SFMBT1: variants seen among roughly 807,000 people sequenced by gnomAD.
SFMBT1 encodes scm-like with four MBT domains protein 1.
Under a neutral mutation model 108.7 loss-of-function variants are expected in SFMBT1, and 32 were observed. That is an observed-to-expected ratio of 0.29 (90% CI 0.22 to 0.40). The LOEUF is 0.40. SFMBT1 is among the 10% of genes least tolerant of loss of function. The probability of loss-of-function intolerance (pLI) is 1.00; values close to 1 mark genes in which losing one functional copy is unlikely to be tolerated. For synonymous variants in SFMBT1, 348 were observed against 369.5 expected (o/e 0.94, Z 0.67); for missense variants, 816 against 1,059.6 (o/e 0.77, Z 3.19).
intron 14 of SFMBT1, among the ~76,000 whole-genome samples, chr3:52,914,599 C>A (rs1384481258): frequency 6.6e-6 from 1 of 151,998 alleles, no homozygotes; most frequent in Non-Finnish European, 1.5e-5. Context: ...AAAAAATCAG[C>A]CACATGTGGT....
chr3:52,974,833 TAAA>T (rs10646648), intron 1 of SFMBT1, among the ~76,000 whole-genome samples: 2 of 90,674 alleles, frequency 2.2e-5, no homozygotes, highest in Admixed American at 1.2e-4. Context: ...CTATAAAAAG[TAAA>T]AAAAAAAAAA....
chr3:52,984,851 G>A (rs1031294808), intron 1 of SFMBT1, among the ~76,000 whole-genome samples: 2 of 151,062 alleles, frequency 1.3e-5, no homozygotes, highest in Non-Finnish European at 2.9e-5. Flanking sequence ...GTCCACAGTT[G>A]GCTAAGTATG....
At position 52,907,226 on chromosome 3, in the gene SFMBT1, A is replaced by G; in HGVS notation, c.2174T>C (p.Leu725Pro). Residue 725 changes from leucine (L) to proline (P), a missense_variant, in exon 19 of 21, where the codon CTA (leucine) becomes CCA (proline). Coordinates refer to ENST00000394752, the MANE Select transcript of SFMBT1 (RefSeq NM_016329.4). ...EGSTSEQQDE[L>P]QEESEMSEKK... ...TTCTGACATTTCTGATTCTTCCTGT[A>G]GCTCATCCTGCTGCTCGGATGTACT... is the stretch of plus-strand genomic sequence containing the variant. 1 of 1,614,056 alleles carries G rather than the reference A, an allele frequency of 6.2e-7. No individual in the cohort carries two copies. The highest frequency in any genetic ancestry group is 8.5e-7 in the Non-Finnish European group (1 of 1,180,014).
At position 52,932,082 on chromosome 3, in the gene SFMBT1, T is replaced by C. The variant is rs751749764; in HGVS notation, c.680A>G (p.Tyr227Cys). The change falls in exon 6 of 21, where the codon TAT (tyrosine) becomes TGT (cysteine). Residue 227 changes from tyrosine to cysteine, a missense_variant. Physicochemically the swap from Tyr to Cys is radical, Grantham distance 194 (BLOSUM62 -2). This residue lies in a region of SFMBT1 where 495 missense variants were observed against 607.4 expected (regional missense o/e 0.81). Transcript: ENST00000394752. Reference sequence around the variant, plus strand: ...TTCACCTGAAGGGGGCTGAAGCTCATATCCCTGTTGAGCAGCCCAACCAAC... The same window carrying C: ...TTCACCTGAAGGGGGCTGAAGCTCACATCCCTGTTGAGCAGCCCAACCAAC... Reference protein sequence around the residue: ...HHVGWAAQQGYELQPPSAIRH... With the variant: ...HHVGWAAQQGCELQPPSAIRH... 3 of 1,614,056 alleles carry C rather than the reference T, an allele frequency of 1.9e-6. No individual in the cohort carries two copies. Among genetic ancestry groups the C allele is most frequent in the Non-Finnish European group, 2.5e-6 (3 of 1,180,014 alleles).
chr3:52,938,433 A>ATTT (rs1703088826), intron 4 of SFMBT1, among the ~76,000 whole-genome samples: 1 of 151,986 alleles, frequency 6.6e-6, no homozygotes, highest in African/African-American at 2.4e-5. Flanking sequence ...AAAGGTTCTT[A>ATTT]TTTTTGTTCT....
At chr3:52,930,848 G>T (rs539980526) in intron 7 of SFMBT1, 93 bp downstream of exon 7, 5 of 958,768 alleles carry the variant, frequency 5.2e-6, no homozygotes, top group Non-Finnish European at 4.9e-6. Flanking sequence ...CATTCTTACC[G>T]ACTGCAGGGG....
rs1033597336 is a variant in SFMBT1, at chr3:53,020,305, G to A, written c.-131+25511C>T. 5.9e-5 allele frequency among the ~76,000 whole-genome samples: 9 copies of A among 152,090 alleles called. 1 individual carries two copies. In the South Asian group the frequency reaches 1.7e-3, roughly 28 times the overall value. On this transcript the variant is annotated intron_variant, in intron 1 of 20. Coordinates refer to ENST00000394752, the MANE Select transcript of SFMBT1 (RefSeq NM_016329.4). The stretch of plus-strand genomic sequence containing the variant: ...TCAGGAGGCTGAGACAGGGGAAATC[G>A]CTTGAACCTGGGAGGCGGAGGTTGC...
At chr3:52,926,434 T>C (rs1702661325) in intron 9 of SFMBT1, among the ~76,000 whole-genome samples, 1 of 152,244 alleles carries the variant, frequency 6.6e-6, no homozygotes, top group Non-Finnish European at 1.5e-5. Context: ...AAGACAGTTA[T>C]GACTGGATTT....
chr3:52,979,714 G>A (rs1202194389), intron 1 of SFMBT1, among the ~76,000 whole-genome samples: 1 of 152,154 alleles, frequency 6.6e-6, no homozygotes, highest in Non-Finnish European at 1.5e-5. Flanking sequence ...ACTTAAAGGA[G>A]GCTTCATGAA....
chr3:52,916,910 A>G (rs898920063), intron 13 of SFMBT1, among the ~76,000 whole-genome samples: 1 of 152,124 alleles, frequency 6.6e-6, no homozygotes, highest in Non-Finnish European at 1.5e-5. Context: ...AAGAACAGAA[A>G]CTTTATATAG....
chr3:52,955,028 A>C (rs1703733665), intron 2 of SFMBT1, among the ~76,000 whole-genome samples: 1 of 152,146 alleles, frequency 6.6e-6, no homozygotes, highest in Non-Finnish European at 1.5e-5. Flanking sequence ...AACAAACCCC[A>C]AAGCTAGCAG....
chr3:52,954,581 G>T (rs1165603967), intron 2 of SFMBT1, among the ~76,000 whole-genome samples, 170 bp from the exon 3 acceptor site: 1 of 152,010 alleles, frequency 6.6e-6, no homozygotes, highest in African/African-American at 2.4e-5. Context: ...TTAAATGATA[G>T]GTGCCCTTAG....
At chr3:52,982,729 C>CAAAAAAA (rs34099481) in intron 1 of SFMBT1, among the ~76,000 whole-genome samples, 11,819 of 68,850 alleles carry the variant, frequency 0.17, 1,668 homozygotes, top group Non-Finnish European at 0.23. Context: ...ACTCCCATCT[C>CAAAAAAA]AAAAAAAAAA....
chr3:52,947,418 CT>C (rs528286389), intron 3 of SFMBT1, among the ~76,000 whole-genome samples: 11 of 152,136 alleles, frequency 7.2e-5, no homozygotes, highest in African/African-American at 2.2e-4. Context: ...CGCCCAGCCC[CT>C]TTTTTCACTT....
chr3:52,966,141 C>A (rs1704134101), intron 2 of SFMBT1, among the ~76,000 whole-genome samples: 3 of 144,504 alleles, frequency 2.1e-5, no homozygotes, highest in Non-Finnish European at 3.0e-5. Flanking sequence ...CAGGGTGAAA[C>A]CCCGTCTCTA....
Position 52,984,425 on chromosome 3 carries a change from C to CCTTGTTGG in SFMBT1, c.-130-15175_-130-15168dup, listed in dbSNP as rs1218992033. Among the ~76,000 whole-genome samples the CCTTGTTGG allele has an allele frequency of 4.6e-5, 7 of 151,524 alleles. No individual in the cohort carries two copies. In the East Asian group the frequency reaches 5.8e-4, roughly 13 times the overall value. On this transcript the variant is annotated intron_variant, in intron 1 of 20. Transcript: ENST00000394752. ...TTTTTTTTTTGCCCCTTGGGAACCT[C>CCTTGTTGG]CTTGTTGGCTTCAATCCCATCTTAC...
intron 1 of SFMBT1, among the ~76,000 whole-genome samples, 151 bp downstream of exon 1, chr3:53,045,665 C>G (rs1202517615): frequency 6.5e-5 from 9 of 139,168 alleles, no homozygotes; most frequent in Non-Finnish European, 1.6e-5. Context: ...GGCGCCTCAG[C>G]CCGCGCGCCC....
chr3:53,022,428 C>T (rs551369103), intron 1 of SFMBT1, among the ~76,000 whole-genome samples: 43 of 125,678 alleles, frequency 3.4e-4, no homozygotes, highest in African/African-American at 1.2e-3. Flanking sequence ...CCAGCCTGGG[C>T]GACAGGGTGA....
chr3:53,005,852 G>A (rs1698721329), intron 1 of SFMBT1, among the ~76,000 whole-genome samples: 1 of 152,200 alleles, frequency 6.6e-6, no homozygotes, highest in Admixed American at 6.5e-5. Context: ...AAGACAGAGA[G>A]AGGGTGGACA....
Sources: gnomAD v4.1 joint callset for allele counts (sites outside exome capture counted in the v4.1 genomes callset) on GRCh38, gnomAD v4.1.1 for gene constraint, gnomAD v4.1.1 regional missense constraint, MANE v1.5 for transcripts, NCBI Gene and HGNC (gene_info 2026-07-23, HGNC 2026-07-21) for gene names.